Variants in PPP1R42 observed in about 807,000 individuals in gnomAD.
The protein encoded by PPP1R42 is protein phosphatase 1 regulatory subunit 42.
Under a neutral mutation model 31.0 loss-of-function variants are expected in PPP1R42, and 34 were observed. That is an observed-to-expected ratio of 1.10 (90% CI 0.83 to 1.46). The LOEUF (loss-of-function observed/expected upper bound fraction) is 1.46. Ranked by LOEUF, PPP1R42 falls within the 40% of genes most tolerant of loss-of-function variation. The pLI is 0.00. For synonymous variants in PPP1R42, 103 were observed against 109.8 expected (o/e 0.94, Z 0.39); for missense variants, 268 against 303.0 (o/e 0.88, Z 0.86).
chr8:66,999,749 T>C (rs1416303409), intron 5 of PPP1R42, among the ~76,000 whole-genome samples: 1 of 152,248 alleles, frequency 6.6e-6, no homozygotes, highest in Non-Finnish European at 1.5e-5. Flanking sequence ...GTCTTGGAGT[T>C]CTCTTTGCGG....
intron 7 of PPP1R42, among the ~76,000 whole-genome samples, chr8:66,965,027 A>C (rs1428375339): frequency 6.6e-6 from 1 of 152,186 alleles, no homozygotes. Flanking sequence ...AAATAGAAGC[A>C]TATTATATAG....
chr8:67,027,297 C>T (rs1043597980), intron 1 of PPP1R42, among the ~76,000 whole-genome samples: 8 of 152,062 alleles, frequency 5.3e-5, no homozygotes, highest in Non-Finnish European at 7.4e-5. Flanking sequence ...AAATGGATTC[C>T]GTCTATAGAT....
intron 6 of PPP1R42, among the ~76,000 whole-genome samples, chr8:66,987,252 G>A (rs6998290): frequency 0.02 from 2,920 of 146,592 alleles, 68 homozygotes; most frequent in South Asian, 0.047. Flanking sequence ...CTATGCCTCC[G>A]TTAACCTGTC....
chr8:67,027,702 T>A (rs1330963819), intron 1 of PPP1R42, among the ~76,000 whole-genome samples: 5 of 152,250 alleles, frequency 3.3e-5, no homozygotes, highest in Admixed American at 3.3e-4. Context: ...GGATATATTT[T>A]AGAACATTAT....
At chr8:66,966,458 A>G (rs1814382604) in intron 7 of PPP1R42, among the ~76,000 whole-genome samples, 1 of 152,206 alleles carries the variant, frequency 6.6e-6, no homozygotes, top group South Asian at 2.1e-4. Context: ...TGGGGCTTAT[A>G]GTATTCTTAA....
At chr8:66,995,576 T>G (rs1160317419) in intron 5 of PPP1R42, among the ~76,000 whole-genome samples, 1 of 152,234 alleles carries the variant, frequency 6.6e-6, no homozygotes, top group African/African-American at 2.4e-5. Flanking sequence ...TGCCAAGCAC[T>G]GGGCTGGGCT....
At chr8:66,977,972 A>T (rs1394268190) in intron 7 of PPP1R42, among the ~76,000 whole-genome samples, 2 of 151,970 alleles carry the variant, frequency 1.3e-5, no homozygotes, top group Non-Finnish European at 2.9e-5. Context: ...TTTTTGAGGA[A>T]CCTCCATTCT....
At chr8:67,004,360 A>T (rs1180432113) in intron 5 of PPP1R42, among the ~76,000 whole-genome samples, 1 of 152,206 alleles carries the variant, frequency 6.6e-6, no homozygotes, top group Non-Finnish European at 1.5e-5. Flanking sequence ...AATCAGTCTC[A>T]GGTATTTTGT....
intron 6 of PPP1R42, among the ~76,000 whole-genome samples, chr8:66,982,537 C>T (rs2130924705): frequency 6.6e-6 from 1 of 151,906 alleles, no homozygotes; most frequent in African/African-American, 2.4e-5. Flanking sequence ...CTTACAGCAA[C>T]CTCTGCCCCC....
intron 5 of PPP1R42, 39 bp downstream of exon 5, chr8:67,010,676 C>A: frequency 7.5e-7 from 1 of 1,339,322 alleles, no homozygotes; most frequent in South Asian, 1.3e-5. Context: ...ATCATAATTT[C>A]ATGTAAATAT....
intron 5 of PPP1R42, among the ~76,000 whole-genome samples, chr8:66,994,034 C>G (rs772370172): frequency 6.6e-6 from 1 of 152,088 alleles, no homozygotes; most frequent in Non-Finnish European, 1.5e-5. Flanking sequence ...TCCCTTCTCT[C>G]CATTTATATA....
At chr8:66,979,000 A>G (rs1288851476) in intron 7 of PPP1R42, among the ~76,000 whole-genome samples, 2 of 152,080 alleles carry the variant, frequency 1.3e-5, no homozygotes, top group African/African-American at 4.8e-5. Flanking sequence ...TCCCCATTCT[A>G]TAGGTTGTCT....
At chr8:67,001,926 C>T (rs1440892195) in intron 5 of PPP1R42, among the ~76,000 whole-genome samples, 1 of 152,164 alleles carries the variant, frequency 6.6e-6, no homozygotes, top group Non-Finnish European at 1.5e-5. Context: ...CACACTACTG[C>T]ACTACAGACT....
chr8:66,995,907 T>A (rs1214919458), intron 5 of PPP1R42, among the ~76,000 whole-genome samples: 2 of 152,242 alleles, frequency 1.3e-5, no homozygotes, highest in African/African-American at 4.8e-5. Flanking sequence ...TTTTAAATCT[T>A]AGATATTTAT....
intron 5 of PPP1R42, among the ~76,000 whole-genome samples, chr8:67,007,057 T>C (rs113933741): frequency 3.2e-4 from 48 of 151,680 alleles, no homozygotes; most frequent in Non-Finnish European, 5.2e-4. Flanking sequence ...TTTTTTTTTT[T>C]AGTAGAGACA....
intron 7 of PPP1R42, among the ~76,000 whole-genome samples, chr8:66,966,797 ATTGT>A (rs1401749346): frequency 6.6e-6 from 1 of 152,110 alleles, no homozygotes; most frequent in Non-Finnish European, 1.5e-5. Flanking sequence ...AAAAAAAAAA[ATTGT>A]TTGGATAATG....
At chr8:66,988,165 A>G in intron 6 of PPP1R42, 1 of 1,129,522 alleles carries the variant, frequency 8.9e-7, no homozygotes, top group Non-Finnish European at 1.1e-6. Flanking sequence ...TAATAGCAAA[A>G]TATCCTCCTT....
chr8:67,005,987 C>G (rs1309382966), intron 5 of PPP1R42, among the ~76,000 whole-genome samples: 1 of 152,150 alleles, frequency 6.6e-6, no homozygotes, highest in Admixed American at 6.5e-5. Flanking sequence ...GCCTCTGTGC[C>G]TTCCTTTCTA....
At chr8:66,978,848 A>G (rs1814748979) in intron 7 of PPP1R42, among the ~76,000 whole-genome samples, 1 of 152,170 alleles carries the variant, frequency 6.6e-6, no homozygotes. Context: ...TTTGTTGGCC[A>G]TTTGTATGTC....
Sources: allele counts gnomAD v4.1 joint callset (sites outside exome capture counted in the v4.1 genomes callset), GRCh38; gene constraint gnomAD v4.1.1; transcripts MANE v1.5; gene names NCBI Gene and HGNC (gene_info 2026-07-23, HGNC 2026-07-21).